The following FAM120A variants were observed in gnomAD, a reference collection of about 807,000 sequenced individuals.
FAM120A encodes the protein constitutive coactivator of PPAR-gamma-like protein 1.
In FAM120A, 15 loss-of-function variants were observed where a neutral mutation model predicts 109.7. That is an observed-to-expected ratio of 0.14 (90% CI 0.09 to 0.21). The LOEUF (loss-of-function observed/expected upper bound fraction) is 0.21. FAM120A is among the 10% of genes least tolerant of loss of function. The pLI is 1.00. For missense variants in FAM120A, 899 were observed against 1,439.3 expected, an observed-to-expected ratio of 0.62 and a Z score of 6.07; for synonymous variants, 493 against 572.8, an observed-to-expected ratio of 0.86 and a Z score of 1.99.
At chr9:93,528,415 A>G (rs1307450408) in intron 8 of FAM120A, among the ~76,000 whole-genome samples, 1 of 152,238 alleles carries the variant, frequency 6.6e-6, no homozygotes, top group Non-Finnish European at 1.5e-5. Context: ...CTTATTTTCA[A>G]CATTATTCTG....
At chr9:93,469,304 C>G (rs1858201741) in intron 1 of FAM120A, among the ~76,000 whole-genome samples, 1 of 152,158 alleles carries the variant, frequency 6.6e-6, no homozygotes, top group Non-Finnish European at 1.5e-5. Context: ...TAGTTCTGCC[C>G]AGCTTCCTTC....
chr9:93,559,715 T>A (rs1862407667), intron 15 of FAM120A, among the ~76,000 whole-genome samples: 1 of 152,206 alleles, frequency 6.6e-6, no homozygotes, highest in Admixed American at 6.5e-5. Context: ...CTCCTTCTAG[T>A]GCCTTGAAAC....
chr9:93,465,762 A>G (rs1232542256), intron 1 of FAM120A, among the ~76,000 whole-genome samples: 1 of 152,010 alleles, frequency 6.6e-6, no homozygotes, highest in African/African-American at 2.4e-5. Flanking sequence ...CTTCATTTGG[A>G]TTTCATCTGT....
chr9:93,524,622 T>C (rs1290048072), intron 7 of FAM120A, among the ~76,000 whole-genome samples: 1 of 152,146 alleles, frequency 6.6e-6, no homozygotes, highest in Non-Finnish European at 1.5e-5. Context: ...CACATATGTG[T>C]GAAACTGTCT....
intron 11 of FAM120A, among the ~76,000 whole-genome samples, chr9:93,550,365 A>C (rs988992354): frequency 1.3e-5 from 2 of 152,252 alleles, no homozygotes; most frequent in African/African-American, 4.8e-5. Flanking sequence ...TGCTATTTTT[A>C]ATTATTCTAA....
intron 3 of FAM120A, among the ~76,000 whole-genome samples, chr9:93,492,584 G>A (rs995516565): frequency 2.0e-5 from 3 of 152,076 alleles, no homozygotes; most frequent in Non-Finnish European, 4.4e-5. Flanking sequence ...AGCTCATCCC[G>A]GACTGGATTT....
At chr9:93,537,912 GT>G (rs1246461960) in intron 10 of FAM120A, among the ~76,000 whole-genome samples, 3 of 152,036 alleles carry the variant, frequency 2.0e-5, no homozygotes, top group African/African-American at 7.3e-5. Context: ...CAGCATTGAG[GT>G]TTTTTTCACA....
At chr9:93,483,683 ATGTC>A (rs1301788416) in intron 3 of FAM120A, among the ~76,000 whole-genome samples, 1 of 152,228 alleles carries the variant, frequency 6.6e-6, no homozygotes, top group Non-Finnish European at 1.5e-5. Context: ...TGTAATAAAA[ATGTC>A]TGTCTTGCTA....
intron 2 of FAM120A, among the ~76,000 whole-genome samples, chr9:93,474,242 C>T (rs1012694369): frequency 6.6e-6 from 1 of 152,014 alleles, no homozygotes; most frequent in Non-Finnish European, 1.5e-5. Flanking sequence ...GGCTGGAGTG[C>T]AGTGGTGCGA....
intron 8 of FAM120A, among the ~76,000 whole-genome samples, chr9:93,528,127 A>G (rs1023794032): frequency 1.3e-5 from 2 of 152,214 alleles, no homozygotes; most frequent in African/African-American, 4.8e-5. Flanking sequence ...TGTTCTGCAA[A>G]TAAGCAACAA....
At chr9:93,493,988 C>T (rs1049857457) in intron 3 of FAM120A, among the ~76,000 whole-genome samples, 7 of 152,196 alleles carry the variant, frequency 4.6e-5, no homozygotes, top group South Asian at 2.1e-4. Context: ...CAATTCCTAG[C>T]GGTTGCAGGT....
chr9:93,483,532 T>C (rs1858912743), intron 3 of FAM120A, among the ~76,000 whole-genome samples: 1 of 152,142 alleles, frequency 6.6e-6, no homozygotes, highest in African/African-American at 2.4e-5. Context: ...TGTTATCTTT[T>C]TAAAAATTCA....
chr9:93,559,808 T>G (rs1390540844), intron 15 of FAM120A, among the ~76,000 whole-genome samples: 4 of 152,182 alleles, frequency 2.6e-5, no homozygotes, highest in Non-Finnish European at 5.9e-5. Flanking sequence ...AAGTGAATTC[T>G]TACACTGGAA....
intron 10 of FAM120A, among the ~76,000 whole-genome samples, chr9:93,534,019 A>G (rs1331452507): frequency 6.6e-6 from 1 of 152,120 alleles, no homozygotes; most frequent in Non-Finnish European, 1.5e-5. Context: ...GTGTTGGGCC[A>G]TTCGGCATCA....
intron 10 of FAM120A, among the ~76,000 whole-genome samples, chr9:93,540,883 A>G (rs1861673413): frequency 6.6e-6 from 1 of 152,226 alleles, no homozygotes; most frequent in Admixed American, 6.5e-5. Flanking sequence ...CAAAACATGA[A>G]TGATTGCTAA....
At chr9:93,475,577 G>A (rs1036390564) in intron 2 of FAM120A, among the ~76,000 whole-genome samples, 16 of 152,140 alleles carry the variant, frequency 1.1e-4, no homozygotes, top group African/African-American at 3.9e-4. Context: ...CCAGGCATAC[G>A]AACATTATTA....
intron 1 of FAM120A, among the ~76,000 whole-genome samples, chr9:93,453,861 A>G (rs1273080365): frequency 6.6e-6 from 1 of 152,192 alleles, no homozygotes; most frequent in Non-Finnish European, 1.5e-5. Context: ...TTGTTCAGAG[A>G]TGGAAAAGAC....
At chr9:93,557,268 T>C (rs1007313059) in intron 13 of FAM120A, among the ~76,000 whole-genome samples, 1 of 151,940 alleles carries the variant, frequency 6.6e-6, no homozygotes, top group Admixed American at 6.6e-5. Flanking sequence ...TAGCTGGAAT[T>C]ACAGGTGCCT....
intron 13 of FAM120A, 125 bp from the exon 14 acceptor site, chr9:93,557,700 GAC>G: frequency 8.6e-6 from 8 of 930,206 alleles, no homozygotes; most frequent in Non-Finnish European, 1.3e-5. Flanking sequence ...AGAATTTGCA[GAC>G]ATAGAATTCA....
Sources: gnomAD v4.1 joint callset for allele counts (sites outside exome capture counted in the v4.1 genomes callset) on GRCh38, gnomAD v4.1.1 for gene constraint, MANE v1.5 for transcripts, NCBI Gene and HGNC (gene_info 2026-07-23, HGNC 2026-07-21) for gene names.